BRD9: variants seen among roughly 807,000 people sequenced by gnomAD.
BRD9 encodes the protein bromodomain-containing protein 9.
In BRD9, 47 loss-of-function variants were observed where a neutral mutation model predicts 68.7. That is an observed-to-expected ratio of 0.68 (90% CI 0.54 to 0.87). The LOEUF (loss-of-function observed/expected upper bound fraction) is 0.87, where lower values mean the gene tolerates loss of function less well. Among genes scored for constraint, BRD9 ranks in the 40% least tolerant of loss-of-function variants. The probability of loss-of-function intolerance (pLI) is 0.00; values close to 1 mark genes in which losing one functional copy is unlikely to be tolerated. For missense variants in BRD9, 670 were observed against 748.4 expected, an observed-to-expected ratio of 0.90 and a Z score of 1.22; for synonymous variants, 313 against 293.9, an observed-to-expected ratio of 1.06 and a Z score of -0.67.
intron 12 of BRD9, 63 bp downstream of exon 12, chr5:876,038 C>A: frequency 8.5e-7 from 1 of 1,176,050 alleles, no homozygotes. Flanking sequence ...AGGCTGCAGG[C>A]TCTTCCCGCC....
At chr5:890,727 G>A (rs1193445582) in intron 3 of BRD9, among the ~76,000 whole-genome samples, 3 of 152,158 alleles carry the variant, frequency 2.0e-5, no homozygotes, top group Non-Finnish European at 4.4e-5. Context: ...TGACCCAGAT[G>A]GGGCTACTGT....
intron 7 of BRD9, among the ~76,000 whole-genome samples, chr5:885,868 T>C (rs1021974119): frequency 2.0e-5 from 3 of 152,182 alleles, no homozygotes; most frequent in African/African-American, 7.2e-5. Flanking sequence ...CCACCTCACA[T>C]AGGTGGAGGA....
At chr5:883,092 C>T (rs564030216) in intron 8 of BRD9, 5 of 358,494 alleles carry the variant, frequency 1.4e-5, no homozygotes, top group East Asian at 7.4e-5. Context: ...CCTCCCAACA[C>T]GTGAGCCACG....
At chr5:891,572 G>A in intron 2 of BRD9, 68 bp downstream of exon 2, 4 of 1,525,022 alleles carry the variant, frequency 2.6e-6, no homozygotes, top group African/African-American at 1.4e-5. Context: ...CTCTGCCTGG[G>A]TCCTGGGACC....
chr5:876,253 T>C, intron 11 of BRD9, 41 bp from the exon 12 acceptor site: 1 of 1,526,494 alleles, frequency 6.6e-7, no homozygotes, highest in South Asian at 1.1e-5. Flanking sequence ...AAGGAGCCCT[T>C]GTCGCCTGGC....
At chr5:892,015 G>A in intron 1 of BRD9, 161 bp from the exon 2 acceptor site, 2 of 1,178,016 alleles carry the variant, frequency 1.7e-6, no homozygotes, top group Non-Finnish European at 1.2e-6. Flanking sequence ...GTGGCGGCAT[G>A]TCACTGCCTC....
At chr5:889,413 G>A (rs374388411) in intron 4 of BRD9, among the ~76,000 whole-genome samples, 174 bp downstream of exon 4, 203 of 152,262 alleles carry the variant, frequency 1.3e-3, no homozygotes, top group Non-Finnish European at 2.3e-3. Context: ...TTCAGAGTGA[G>A]CCACTAATGA....
intron 14 of BRD9, 62 bp downstream of exon 14, chr5:870,411 G>C: frequency 1.6e-6 from 2 of 1,275,430 alleles, no homozygotes; most frequent in South Asian, 1.2e-5. Flanking sequence ...TGGAGGCCGT[G>C]TGTTTTCTTC....
chr5:889,576 C>T lies in BRD9; in HGVS notation c.461+11G>A, dbSNP rs1449031275. ...CCCAGACACTAGCTCTTCAGAAACG[C>T]CCCGGTTTACCTCTGAAGCTGGCGG... On this transcript the variant is annotated intron_variant, in intron 4 of 15. Transcript: ENST00000467963. The T allele has an allele frequency of 6.2e-7, 1 of 1,613,488 alleles. No individual in the cohort carries two copies.
chr5:891,414 A>T, intron 2 of BRD9, 127 bp from the exon 3 acceptor site: 1 of 1,394,382 alleles, frequency 7.2e-7, no homozygotes, highest in Non-Finnish European at 9.5e-7. Context: ...GATCCTCCTC[A>T]TGCCAGGCTC....
At chr5:871,827 CAG>C (rs1391246808) in intron 12 of BRD9, among the ~76,000 whole-genome samples, 2 of 152,208 alleles carry the variant, frequency 1.3e-5, no homozygotes, top group African/African-American at 4.8e-5. Context: ...ATGGAGCGGA[CAG>C]AGAGAGGACG....
At chr5:865,254 C>T (rs915645870) in intron 15 of BRD9, among the ~76,000 whole-genome samples, 160 bp downstream of exon 15, 7 of 152,252 alleles carry the variant, frequency 4.6e-5, no homozygotes, top group African/African-American at 1.7e-4. Context: ...ACCGAGGCCG[C>T]GACCCAAGGA....
chr5:876,170 T>C lies in BRD9; in HGVS notation c.1314A>G (p.Lys438=). 6.2e-7 allele frequency: 1 copy of C among 1,613,966 alleles called. No homozygotes were observed. Among genetic ancestry groups the C allele is most frequent in the Non-Finnish European group, 8.5e-7 (1 of 1,179,972 alleles). Residue 438 remains lysine (K), a synonymous_variant, in exon 12 of 16, where the codon AAA becomes AAG. Coordinates refer to ENST00000467963, the MANE Select transcript of BRD9 (RefSeq NM_023924.5). Reference sequence around the variant, plus strand: ...TCTGGTCCAGGAGGTCGTCCACCACTTTCTTGCTGTAGCTCCCAGCATCCT... The same window carrying C: ...TCTGGTCCAGGAGGTCGTCCACCACCTTCTTGCTGTAGCTCCCAGCATCCT... ...FVKDAGSYSK[K]VVDDLLDQIT...
At chr5:889,927 T>C (rs1216440005) in intron 3 of BRD9, 2 of 441,428 alleles carry the variant, frequency 4.5e-6, no homozygotes, top group Non-Finnish European at 8.5e-6. Context: ...TTTCAGCTCA[T>C]ACCACTACTC....
intron 8 of BRD9, chr5:882,975 G>A (rs1372247778): frequency 2.6e-5 from 7 of 273,872 alleles, no homozygotes; most frequent in African/African-American, 8.6e-5. Flanking sequence ...CACAAGCCAC[G>A]CAGACCACAA....
At chr5:868,769 C>T (rs1208345979) in intron 14 of BRD9, 1 of 152,882 alleles carries the variant, frequency 6.5e-6, no homozygotes, top group African/African-American at 2.4e-5. Flanking sequence ...CCTTGGATGT[C>T]ACTCTTGTCC....
intron 14 of BRD9, among the ~76,000 whole-genome samples, chr5:867,526 G>A (rs1274718038): frequency 2.0e-5 from 3 of 152,268 alleles, no homozygotes. Context: ...CACAGAGGCT[G>A]TACCCTGCAG....
intron 14 of BRD9, chr5:869,203 A>C: frequency 2.5e-6 from 1 of 395,740 alleles, no homozygotes; most frequent in Non-Finnish European, 5.0e-6. Flanking sequence ...GTCAACCTGG[A>C]AAATGAGGTC....
intron 8 of BRD9, 50 bp downstream of exon 8, chr5:883,886 CAG>C: frequency 3.2e-6 from 5 of 1,586,878 alleles, no homozygotes; most frequent in Middle Eastern, 1.7e-4. Context: ...GAGAGGCACA[CAG>C]AGAGTCTGGG....
Sources: gnomAD v4.1 joint callset for allele counts (sites outside exome capture counted in the v4.1 genomes callset) on GRCh38, gnomAD v4.1.1 for gene constraint, MANE v1.5 for transcripts, NCBI Gene and HGNC (gene_info 2026-07-23, HGNC 2026-07-21) for gene names.